The following LRP6 variants were observed in gnomAD, a reference collection of about 807,000 sequenced individuals.
LRP6 encodes LDL receptor related protein 6.
LRP6 carries 43 observed loss-of-function variants against 184.1 expected under a neutral mutation model. That is an observed-to-expected ratio of 0.23 (90% CI 0.18 to 0.30). The LOEUF is 0.30. LRP6 is among the 10% of genes least tolerant of loss of function. The pLI is 1.00. For missense variants in LRP6, 1,571 were observed against 2,005.3 expected (o/e 0.78, Z 4.14); for synonymous variants, 719 against 684.9 (o/e 1.05, Z -0.78).
rs1256054521 is a variant in LRP6 at position 12,117,941 on chromosome 12, T to C, written c.*3185A>G. The C allele has an allele frequency of 6.6e-6, 1 of 152,204 alleles. No individual in the cohort carries two copies. The highest frequency in any genetic ancestry group is 1.5e-5 in the Non-Finnish European group (1 of 68,018). The allele number at this position is 152,204 out of a possible 1,614,324, so 9.4% of individuals were successfully genotyped here. ...GCTCAAAGCCCCTTCCCCCAATTACTGGCCTATATTAGATTAAAATGTACT... is the reference window on the plus strand; with the variant it reads ...GCTCAAAGCCCCTTCCCCCAATTACCGGCCTATATTAGATTAAAATGTACT... On this transcript the variant is annotated 3_prime_UTR_variant, in exon 23 of 23. Transcript: ENST00000261349.
chr12:12,228,318 C>T (rs1864685442), intron 2 of LRP6, among the ~76,000 whole-genome samples: 1 of 151,982 alleles, frequency 6.6e-6, no homozygotes, highest in African/African-American at 2.4e-5. Flanking sequence ...GAGCCCAGAT[C>T]ACACCACTGC....
chr12:12,210,182 GA>G (rs1864170605), intron 2 of LRP6, among the ~76,000 whole-genome samples: 1 of 152,064 alleles, frequency 6.6e-6, no homozygotes, highest in Non-Finnish European at 1.5e-5. Context: ...AGAGGAAGAA[GA>G]AACAAGAAAA....
intron 2 of LRP6, 147 bp downstream of exon 2, chr12:12,244,115 A>T (rs1591981407): frequency 1.3e-6 from 1 of 793,508 alleles, no homozygotes; most frequent in Non-Finnish European, 2.1e-6. Context: ...AACTTTCCAC[A>T]TTCAAGTCTA....
At chr12:12,179,202 A>G (rs1302573329) in intron 7 of LRP6, among the ~76,000 whole-genome samples, 1 of 152,164 alleles carries the variant, frequency 6.6e-6, no homozygotes, top group Non-Finnish European at 1.5e-5. Context: ...GATTGCCACA[A>G]ACTTAACTCT....
At chr12:12,227,341 G>A (rs1332811511) in intron 2 of LRP6, among the ~76,000 whole-genome samples, 2 of 150,714 alleles carry the variant, frequency 1.3e-5, no homozygotes, top group Non-Finnish European at 3.0e-5. Flanking sequence ...GTCAAAAATA[G>A]ATCTACAAAA....
chr12:12,178,773 G>C (rs1863258162), intron 7 of LRP6, among the ~76,000 whole-genome samples: 1 of 152,146 alleles, frequency 6.6e-6, no homozygotes, highest in Admixed American at 6.5e-5. Context: ...ATGAAAACCA[G>C]CTGCAAGAAC....
intron 17 of LRP6, among the ~76,000 whole-genome samples, chr12:12,133,492 CAA>C (rs903426933): frequency 1.3e-5 from 2 of 152,078 alleles, no homozygotes; most frequent in Non-Finnish European, 2.9e-5. Flanking sequence ...CCCCCGCCAT[CAA>C]AGTTTCCTGA....
chr12:12,262,795 A>G (rs896406760), intron 1 of LRP6, among the ~76,000 whole-genome samples: 5 of 152,192 alleles, frequency 3.3e-5, no homozygotes, highest in Admixed American at 1.3e-4. Flanking sequence ...GCTGACATAT[A>G]GGAGGTATTC....
chr12:12,200,755 G>C (rs1372087004), intron 3 of LRP6, among the ~76,000 whole-genome samples: 1 of 152,058 alleles, frequency 6.6e-6, no homozygotes, highest in African/African-American at 2.4e-5. Context: ...TACACATTTT[G>C]CTTCATAAAG....
At position 12,244,630 on chromosome 12, in the gene LRP6, G is replaced by A. The variant is rs1275055419; in HGVS notation, c.81C>T (p.Asn27=). 3 of 1,613,914 alleles carry A rather than the reference G, an allele frequency of 1.9e-6. No individual in the cohort carries two copies. Among genetic ancestry groups the A allele is most frequent in the African/African-American group, 2.7e-5 (2 of 74,880 alleles). ...LRAAPLLLYA[N]RRDLRLVDAT... is the part of the protein sequence containing the mutation. ...CATCAACCAATCGCAAGTCCCGTCTGTTTGCATAAAGCAACAAAGGGGCCG... is the reference window on the plus strand; with the variant it reads ...CATCAACCAATCGCAAGTCCCGTCTATTTGCATAAAGCAACAAAGGGGCCG... Residue 27 remains asparagine (N), a synonymous_variant, in exon 2 of 23, where the codon AAC becomes AAT. Transcript: ENST00000261349.
chr12:12,179,779 T>G, intron 7 of LRP6, 31 bp downstream of exon 7: 1 of 1,610,734 alleles, frequency 6.2e-7, no homozygotes, highest in Admixed American at 1.7e-5. Flanking sequence ...ATTATAAAAG[T>G]GGCTTGAAAA....
chr12:12,232,075 A>C lies in LRP6; in HGVS notation c.449+12187T>G, dbSNP rs180991926. On this transcript the variant is annotated intron_variant, in intron 2 of 22. Coordinates refer to ENST00000261349, the MANE Select transcript of LRP6 (RefSeq NM_002336.3). ...AGATCTGTGCAATTTACTGTATATA[A>C]ATTATACTTTAAATAGTTAAGTGGT... 8.5e-5 allele frequency among the ~76,000 whole-genome samples: 13 copies of C among 152,058 alleles called. No homozygotes were observed. In the East Asian group the frequency reaches 2.5e-3, roughly 29 times the overall value.
chr12:12,138,667 C>A, intron 15 of LRP6, 133 bp from the exon 16 acceptor site: 1 of 1,316,438 alleles, frequency 7.6e-7, no homozygotes, highest in Non-Finnish European at 1.1e-6. Context: ...TACCACAAAA[C>A]TTAAAAATCA....
chr12:12,125,150 T>C (rs1949655579), intron 21 of LRP6, 146 bp downstream of exon 21: 7 of 788,214 alleles, frequency 8.9e-6, no homozygotes, highest in Non-Finnish European at 1.5e-5. Context: ...GATGGTGGTG[T>C]GTGGTAAGTC....
chr12:12,180,240 CTTTTTTTTTT>C (rs35341305), intron 6 of LRP6, among the ~76,000 whole-genome samples: 4 of 126,134 alleles, frequency 3.2e-5, no homozygotes, highest in Non-Finnish European at 6.6e-5. Context: ...AGTTTTACTT[CTTTTTTTTTT>C]TTTTTTTTTT....
At position 12,155,433 on chromosome 12, in the gene LRP6, A is replaced by G. The variant is rs1000601536; in HGVS notation, c.2791+3396T>C. 4.3e-6 allele frequency: 4 copies of G among 934,630 alleles called. No individual in the cohort carries two copies. In the Admixed American group the frequency reaches 6.8e-5, roughly 16 times the overall value. 57.9% of individuals were successfully genotyped at this position (934,630 alleles called of 1,614,324 possible). A position where few individuals can be genotyped will look rare whatever the true frequency, so the allele number is the denominator to read the frequency against. On this transcript the variant is annotated intron_variant, in intron 12 of 22. Coordinates refer to ENST00000261349, the MANE Select transcript of LRP6 (RefSeq NM_002336.3). ...AAAGGAATGCCCCACAAGTGTTACC[A>G]CTGCAAAACTGGAAGGGTCTACAAT...
intron 15 of LRP6, 61 bp from the exon 16 acceptor site, chr12:12,138,595 A>G: frequency 6.9e-7 from 1 of 1,444,908 alleles, no homozygotes; most frequent in Non-Finnish European, 9.7e-7. Flanking sequence ...ACTTTTGGTA[A>G]TTATTTACTG....
chr12:12,151,510 G>C (rs1950080183), intron 12 of LRP6, among the ~76,000 whole-genome samples: 1 of 150,806 alleles, frequency 6.6e-6, no homozygotes, highest in Non-Finnish European at 1.5e-5. Context: ...CTGATTTTTA[G>C]TCTCAGCCTT....
At chr12:12,222,822 T>TA (rs1244538271) in intron 2 of LRP6, among the ~76,000 whole-genome samples, 2 of 152,124 alleles carry the variant, frequency 1.3e-5, no homozygotes, top group Admixed American at 6.6e-5. Context: ...TTAGTCTTTA[T>TA]AACATCAGAA....
Sources: gnomAD v4.1 joint callset for allele counts (sites outside exome capture counted in the v4.1 genomes callset) on GRCh38, gnomAD v4.1.1 for gene constraint, MANE v1.5 for transcripts, NCBI Gene and HGNC (gene_info 2026-07-23, HGNC 2026-07-21) for gene names.